The following HTR4 variants were observed in gnomAD, a reference collection of about 807,000 sequenced individuals.
The protein encoded by HTR4 is 5-hydroxytryptamine receptor 4, also known as 5-hydroxytryptamine (serotonin) receptor 4, G protein-coupled.
A neutral mutation model predicts 36.8 loss-of-function variants in HTR4; 16 were observed. The ratio of observed to expected loss-of-function variants is 0.43; its 90% confidence interval spans 0.29 to 0.66. The LOEUF (loss-of-function observed/expected upper bound fraction) is 0.66, where lower values mean the gene tolerates loss of function less well. Among genes scored for constraint, HTR4 ranks in the 30% least tolerant of loss-of-function variants. The pLI, the probability that HTR4 is intolerant of heterozygous loss-of-function variation, is 0.13. For missense variants in HTR4, 438 were observed against 490.9 expected (o/e 0.89, Z 1.02); for synonymous variants, 189 against 185.1 (o/e 1.02, Z -0.17).
intron 2 of HTR4, among the ~76,000 whole-genome samples, chr5:148,621,655 A>G (rs1196195582): frequency 6.6e-6 from 1 of 152,162 alleles, no homozygotes. Context: ...TCTTGCTTAA[A>G]ACTGTAAAAA....
At chr5:148,643,066 A>G (rs1753775457) in intron 1 of HTR4, among the ~76,000 whole-genome samples, 1 of 152,222 alleles carries the variant, frequency 6.6e-6, no homozygotes, top group South Asian at 2.1e-4. Context: ...CTAAATAAAA[A>G]GTTTATAGCC....
intron 2 of HTR4, among the ~76,000 whole-genome samples, chr5:148,586,885 C>T (rs145326688): frequency 7.9e-4 from 121 of 152,256 alleles, no homozygotes; most frequent in African/African-American, 2.8e-3. Flanking sequence ...TCTCTGCTGC[C>T]CTAATCCTCT....
intron 1 of HTR4, among the ~76,000 whole-genome samples, chr5:148,644,090 G>A (rs558723092): frequency 2.5e-4 from 38 of 152,242 alleles, no homozygotes; most frequent in African/African-American, 8.4e-4. Context: ...ATTTAGAATG[G>A]AGAATCTACA....
chr5:148,477,429 A>G (rs1323446387), downstream of HTR4, among the ~76,000 whole-genome samples: 4 of 152,150 alleles, frequency 2.6e-5, no homozygotes, highest in African/African-American at 9.7e-5. Context: ...AGTGCACAAG[A>G]AGAGAATCCA....
downstream of HTR4, among the ~76,000 whole-genome samples, chr5:148,480,806 G>A (rs574237177): frequency 6.6e-6 from 1 of 152,130 alleles, no homozygotes; most frequent in East Asian, 1.9e-4. Context: ...TTTACCTCCC[G>A]GTAAATAAAT....
chr5:148,457,717 A>G (rs13162672), intron 5 of HTR4, among the ~76,000 whole-genome samples: 36,361 of 94,748 alleles, frequency 0.38, 8,342 homozygotes, highest in Non-Finnish European at 0.51. Context: ...ATATATTTTG[A>G]TATATCATTA....
At chr5:148,605,638 G>A (rs529119849) in intron 2 of HTR4, among the ~76,000 whole-genome samples, 6 of 151,998 alleles carry the variant, frequency 3.9e-5, no homozygotes, top group African/African-American at 1.2e-4. Context: ...AGGACAGAGC[G>A]GGCCAGGGAT....
At chr5:148,539,953 A>G (rs972044697) in intron 4 of HTR4, among the ~76,000 whole-genome samples, 1 of 152,170 alleles carries the variant, frequency 6.6e-6, no homozygotes, top group Non-Finnish European at 1.5e-5. Context: ...CACAATGGTG[A>G]AGACATAGAA....
At chr5:148,595,045 G>A (rs951234496) in intron 2 of HTR4, among the ~76,000 whole-genome samples, 3 of 149,996 alleles carry the variant, frequency 2.0e-5, no homozygotes, top group African/African-American at 7.3e-5. Flanking sequence ...TCTGCTGGAA[G>A]AAATAACCAT....
At chr5:148,467,489 A>C (rs2113700243) in intron 5 of HTR4, among the ~76,000 whole-genome samples, 1 of 152,304 alleles carries the variant, frequency 6.6e-6, no homozygotes, top group South Asian at 2.1e-4. Context: ...AAAAATAACC[A>C]CAGCCCTTTC....
chr5:148,612,373 C>G (rs1433863458), intron 2 of HTR4, among the ~76,000 whole-genome samples: 1 of 149,448 alleles, frequency 6.7e-6, no homozygotes, highest in Non-Finnish European at 1.5e-5. Flanking sequence ...GATTAAGAAT[C>G]TCACTCAAAA....
intron 2 of HTR4, among the ~76,000 whole-genome samples, chr5:148,574,599 T>C (rs887046931): frequency 2.0e-5 from 3 of 152,218 alleles, no homozygotes; most frequent in Non-Finnish European, 4.4e-5. Context: ...TGTGTCCAAG[T>C]GGGTCTACAT....
At chr5:148,472,210 C>T (rs1755586200), downstream of HTR4, among the ~76,000 whole-genome samples, 1 of 152,182 alleles carries the variant, frequency 6.6e-6, no homozygotes, top group African/African-American at 2.4e-5. Flanking sequence ...CAAGATCAGG[C>T]CCATAGAGAC....
At chr5:148,459,743 A>T (rs550017693) in intron 5 of HTR4, among the ~76,000 whole-genome samples, 1 of 152,320 alleles carries the variant, frequency 6.6e-6, no homozygotes, top group Admixed American at 6.5e-5. Context: ...GGCAAAAAAC[A>T]AAACCAAACC....
intron 2 of HTR4, among the ~76,000 whole-genome samples, chr5:148,571,131 C>A (rs528012244): frequency 3.3e-5 from 5 of 152,184 alleles, no homozygotes; most frequent in African/African-American, 1.2e-4. Flanking sequence ...TCCTACCAGC[C>A]ACTTGTGTAA....
At chr5:148,646,097 G>A (rs1000749908) in intron 1 of HTR4, 4 of 152,242 alleles carry the variant, frequency 2.6e-5, no homozygotes, top group Non-Finnish European at 5.9e-5. Context: ...ATGGAAAACT[G>A]TAGATTCAGG....
At chr5:148,518,135 C>T (rs1228159402) in intron 5 of HTR4, among the ~76,000 whole-genome samples, 1 of 152,096 alleles carries the variant, frequency 6.6e-6, no homozygotes, top group Non-Finnish European at 1.5e-5. Context: ...TCAATAAAGC[C>T]TAGTTTAACA....
rs144745734 is a variant in HTR4, at chr5:148,559,962, C to G, written c.27-9700G>C. ...GCTGATCCTCTTGCTTTATCATGCT[C>G]TGAATAAATTGCTTGTTTGTTCTCA... is the stretch of plus-strand genomic sequence containing the variant. On this transcript the variant is annotated intron_variant, in intron 2 of 6. Transcript: ENST00000377888. Among the ~76,000 whole-genome samples, 1,518 of 152,174 alleles carry G rather than the reference C, an allele frequency of 1.0e-2. 14 individuals are homozygous for G. Among genetic ancestry groups the G allele is most frequent in the Middle Eastern group, 0.031 (9 of 294 alleles).
intron 6 of HTR4, among the ~76,000 whole-genome samples, chr5:148,494,241 T>C (rs1756581274): frequency 6.6e-6 from 1 of 152,212 alleles, no homozygotes; most frequent in Admixed American, 6.5e-5. Context: ...TTAACAAATA[T>C]ATTAATTGAG....
Sources: gnomAD v4.1 joint callset for allele counts (sites outside exome capture counted in the v4.1 genomes callset) on GRCh38, gnomAD v4.1.1 for gene constraint, MANE v1.5 for transcripts, NCBI Gene and HGNC (gene_info 2026-07-23, HGNC 2026-07-21) for gene names.